MYO1D: variants seen among roughly 807,000 people sequenced by gnomAD.
MYO1D encodes unconventional myosin-Id.
In MYO1D, 83 loss-of-function variants were observed where a neutral mutation model predicts 122.0. The ratio of observed to expected loss-of-function variants is 0.68; its 90% confidence interval spans 0.57 to 0.82. The LOEUF is 0.82. MYO1D is among the 40% of genes least tolerant of loss of function. The probability of loss-of-function intolerance (pLI) is 0.00; values close to 1 mark genes in which losing one functional copy is unlikely to be tolerated. For missense variants in MYO1D, 1,157 were observed against 1,269.5 expected (o/e 0.91, Z 1.35); for synonymous variants, 464 against 446.9 (o/e 1.04, Z -0.48).
intron 1 of MYO1D, among the ~76,000 whole-genome samples, chr17:32,833,682 C>G (rs1006633326): frequency 6.6e-6 from 1 of 152,178 alleles, no homozygotes; most frequent in Non-Finnish European, 1.5e-5. Context: ...TCCTTCTGCT[C>G]TCCTCTTCAC....
At chr17:32,713,289 A>G (rs1460913918) in intron 15 of MYO1D, among the ~76,000 whole-genome samples, 2 of 152,166 alleles carry the variant, frequency 1.3e-5, no homozygotes, top group African/African-American at 2.4e-5. Flanking sequence ...TTCCAACACT[A>G]TTAAAAAGTC....
chr17:32,629,726 A>G (rs1468789378), intron 20 of MYO1D, among the ~76,000 whole-genome samples: 3 of 130,566 alleles, frequency 2.3e-5, no homozygotes, highest in African/African-American at 9.7e-5. Context: ...GCGAGATTTC[A>G]TCTCAAGAAA....
intron 1 of MYO1D, among the ~76,000 whole-genome samples, chr17:32,868,507 A>G (rs1045027034): frequency 6.6e-6 from 1 of 152,058 alleles, no homozygotes; most frequent in African/African-American, 2.4e-5. Flanking sequence ...CAAAATCAAA[A>G]CAAACAAAAA....
chr17:32,780,696 T>C lies in MYO1D; in HGVS notation c.184A>G (p.Thr62Ala), dbSNP rs2090227140. The change falls in exon 2 of 22, where the codon ACA becomes GCA. Residue 62 changes from threonine to alanine, a missense_variant. By Grantham distance (58) the Thr-to-Ala change is moderately conservative. Coordinates refer to ENST00000318217, the MANE Select transcript of MYO1D (RefSeq NM_015194.3). ...YKLLNIYGRD[T>A]IEQYKGRELY... is the part of the protein sequence containing the mutation. Reference sequence around the variant, plus strand: ...TCACGGCCTTTATACTGCTCAATTGTGTCTCTTCCATAGATGTTCAACAAC... The same window carrying C: ...TCACGGCCTTTATACTGCTCAATTGCGTCTCTTCCATAGATGTTCAACAAC... 6.2e-7 allele frequency: 1 copy of C among 1,614,200 alleles called. No homozygotes were observed. The highest frequency in any genetic ancestry group is 8.5e-7 in the Non-Finnish European group (1 of 1,180,032).
chr17:32,822,419 T>G (rs1260374698), intron 1 of MYO1D, among the ~76,000 whole-genome samples: 4 of 151,542 alleles, frequency 2.6e-5, no homozygotes, highest in Non-Finnish European at 5.9e-5. Context: ...GCGCCGTCCG[T>G]CCGTTCGTCT....
chr17:32,576,988 G>C (rs939047096), intron 21 of MYO1D, among the ~76,000 whole-genome samples: 2 of 151,954 alleles, frequency 1.3e-5, no homozygotes, highest in African/African-American at 2.4e-5. Context: ...GGTGGCTCAC[G>C]CCTGTAATCC....
rs538329835 is a variant in MYO1D at position 32,711,247 on chromosome 17, A to G, written c.2121+741T>C. ...ATGACAGGTACAGCACCATCAACTA[A>G]CGAGCATTGAGTCAGCACTGAGGTC... On this transcript the variant is annotated intron_variant, in intron 16 of 21. Coordinates refer to ENST00000318217, the MANE Select transcript of MYO1D (RefSeq NM_015194.3). Among the ~76,000 whole-genome samples, 3 of 152,340 alleles carry G rather than the reference A, an allele frequency of 2.0e-5. No individual in the cohort carries two copies. In the South Asian group the frequency reaches 6.2e-4, roughly 32 times the overall value.
At chr17:32,543,575 AAAAC>A (rs141567803) in intron 21 of MYO1D, among the ~76,000 whole-genome samples, 12 of 148,970 alleles carry the variant, frequency 8.1e-5, no homozygotes, top group Non-Finnish European at 1.2e-4. Flanking sequence ...CTCTGTCTCA[AAAAC>A]AAACAAATAA....
At chr17:32,834,827 C>T (rs1317022445) in intron 1 of MYO1D, among the ~76,000 whole-genome samples, 1 of 152,206 alleles carries the variant, frequency 6.6e-6, no homozygotes, top group African/African-American at 2.4e-5. Flanking sequence ...TCGTGGCCAA[C>T]ATGGTGAAAC....
intron 16 of MYO1D, among the ~76,000 whole-genome samples, chr17:32,665,973 G>A (rs2150957708): frequency 6.6e-6 from 1 of 152,184 alleles, no homozygotes; most frequent in Admixed American, 6.5e-5. Context: ...AATATCCTTG[G>A]TCTCAATATG....
chr17:32,531,865 A>G (rs1351447489), intron 21 of MYO1D, among the ~76,000 whole-genome samples: 1 of 152,242 alleles, frequency 6.6e-6, no homozygotes, highest in African/African-American at 2.4e-5. Context: ...TTAAGCTTCT[A>G]GAGTATTATG....
chr17:32,593,029 C>T (rs75448280), intron 21 of MYO1D, among the ~76,000 whole-genome samples: 18,716 of 152,232 alleles, frequency 0.12, 1,510 homozygotes, highest in Middle Eastern at 0.24. Context: ...TTACTGGAGA[C>T]TTCCATGTTC....
At chr17:32,815,659 C>A (rs1203317103) in intron 1 of MYO1D, among the ~76,000 whole-genome samples, 1 of 152,182 alleles carries the variant, frequency 6.6e-6, no homozygotes, top group African/African-American at 2.4e-5. Context: ...AGCATGCTGG[C>A]TCTGAATTCC....
intron 16 of MYO1D, among the ~76,000 whole-genome samples, chr17:32,682,592 T>C (rs1334912331): frequency 6.7e-6 from 1 of 149,084 alleles, no homozygotes; most frequent in African/African-American, 2.6e-5. Context: ...CACTCTCTTC[T>C]GGCTTGTAGG....
intron 21 of MYO1D, among the ~76,000 whole-genome samples, chr17:32,591,534 A>G (rs2087438422): frequency 6.6e-6 from 1 of 151,902 alleles, no homozygotes; most frequent in African/African-American, 2.4e-5. Flanking sequence ...TCTACTCTCC[A>G]TTCCTTCTTT....
chr17:32,780,844 G>T, intron 1 of MYO1D, 60 bp from the exon 2 acceptor site: 1 of 1,483,058 alleles, frequency 6.7e-7, no homozygotes, highest in Non-Finnish European at 9.3e-7. Flanking sequence ...TGATGTATCT[G>T]TCCTGTGAGT....
At chr17:32,844,016 C>CAT (rs954640207) in intron 1 of MYO1D, among the ~76,000 whole-genome samples, 10 of 150,816 alleles carry the variant, frequency 6.6e-5, no homozygotes, top group African/African-American at 7.3e-5. Context: ...CACACACACA[C>CAT]ATATATATAC....
At chr17:32,795,176 C>A (rs8078426) in intron 1 of MYO1D, among the ~76,000 whole-genome samples, 1 of 151,824 alleles carries the variant, frequency 6.6e-6, no homozygotes, top group African/African-American at 2.4e-5. Flanking sequence ...ACCTGAGAGA[C>A]ATCCAAGTGA....
At chr17:32,712,638 T>C (rs1234014637) in intron 15 of MYO1D, among the ~76,000 whole-genome samples, 1 of 152,168 alleles carries the variant, frequency 6.6e-6, no homozygotes, top group Non-Finnish European at 1.5e-5. Context: ...TAATGTAACT[T>C]TCCTCAAAGG....
Sources: gnomAD v4.1 joint callset for allele counts (sites outside exome capture counted in the v4.1 genomes callset) on GRCh38, gnomAD v4.1.1 for gene constraint, MANE v1.5 for transcripts, NCBI Gene and HGNC (gene_info 2026-07-23, HGNC 2026-07-21) for gene names.